LRRIQ3: variants seen among roughly 807,000 people sequenced by gnomAD.
LRRIQ3 encodes leucine rich repeats and IQ motif containing 3.
LRRIQ3 carries 75 observed loss-of-function variants against 59.3 expected under a neutral mutation model. The ratio of observed to expected loss-of-function variants is 1.26; its 90% CI spans 1.05 to 1.53. LRRIQ3 has a LOEUF of 1.53. Ranked by LOEUF, LRRIQ3 falls within the 40% of genes most tolerant of loss-of-function variation. The pLI is 0.00. For missense variants in LRRIQ3, 831 were observed against 710.0 expected, an observed-to-expected ratio of 1.17 and a Z score of -1.94; for synonymous variants, 250 against 231.3, an observed-to-expected ratio of 1.08 and a Z score of -0.73.
At chr1:74,027,416 G>A (rs1394057478) in intron 7 of LRRIQ3, among the ~76,000 whole-genome samples, 2 of 152,048 alleles carry the variant, frequency 1.3e-5, no homozygotes, top group Non-Finnish European at 2.9e-5. Context: ...TATATGGGTA[G>A]GTCCTAATCC....
At chr1:74,180,663 T>G (rs1649921265) in intron 3 of LRRIQ3, 7 of 1,509,374 alleles carry the variant, frequency 4.6e-6, no homozygotes, top group Non-Finnish European at 6.3e-6. Flanking sequence ...CTGCACTGTC[T>G]GTCATTTGTG....
intron 1 of LRRIQ3, among the ~76,000 whole-genome samples, chr1:74,189,752 C>T (rs1200127464): frequency 6.6e-6 from 1 of 152,098 alleles, no homozygotes; most frequent in Non-Finnish European, 1.5e-5. Context: ...CTCATTCTCT[C>T]TTGTCTGCTG....
chr1:74,091,138 G>A (rs17094866), intron 5 of LRRIQ3, among the ~76,000 whole-genome samples: 5,093 of 152,060 alleles, frequency 0.033, 305 homozygotes, highest in African/African-American at 0.12. Context: ...AAAGTAGAAG[G>A]TCCTGTCCAT....
chr1:74,073,570 T>C (rs1046375154), intron 6 of LRRIQ3, among the ~76,000 whole-genome samples: 3 of 151,336 alleles, frequency 2.0e-5, no homozygotes, highest in Admixed American at 2.0e-4. Context: ...ACACAAAGGC[T>C]TTTCAGCTGG....
intron 7 of LRRIQ3, among the ~76,000 whole-genome samples, chr1:74,028,864 G>A (rs1301101299): frequency 6.6e-6 from 1 of 151,872 alleles, no homozygotes; most frequent in Non-Finnish European, 1.5e-5. Flanking sequence ...TATAAGCCTA[G>A]AAATCAGGAG....
At chr1:74,094,019 C>T (rs1345105366) in intron 5 of LRRIQ3, among the ~76,000 whole-genome samples, 2 of 151,944 alleles carry the variant, frequency 1.3e-5, no homozygotes, top group African/African-American at 2.4e-5. Context: ...GTAAAGGTTC[C>T]AGCTGATTCA....
intron 4 of LRRIQ3, among the ~76,000 whole-genome samples, chr1:74,144,215 T>G (rs1207697950): frequency 6.6e-6 from 1 of 151,920 alleles, no homozygotes; most frequent in African/African-American, 2.4e-5. Flanking sequence ...TCTAATTTCC[T>G]AGATTATAAT....
rs544695998 is a variant in LRRIQ3 at position 74,098,935 on chromosome 1, G to A, written c.867+10459C>T. Among the ~76,000 whole-genome samples the A allele has an allele frequency of 9.0e-4, 137 of 152,216 alleles. 1 individual carries two copies. The highest frequency in any genetic ancestry group is 3.3e-3 in the African/African-American group (135 of 41,534). On this transcript the variant is annotated intron_variant, in intron 5 of 7. Transcript: ENST00000354431. ...TAGAGGGAAATTTATAGCACCAAAT[G>A]CCCACAAGACAAAGTAGGAAAGATC...
intron 7 of LRRIQ3, among the ~76,000 whole-genome samples, chr1:74,036,142 A>T (rs1476382872): frequency 1.3e-5 from 2 of 151,920 alleles, no homozygotes; most frequent in African/African-American, 4.8e-5. Context: ...AGTAGCAAAA[A>T]ATGCTGCCCC....
chr1:74,084,928 TTATC>T (rs1447286870), intron 5 of LRRIQ3, among the ~76,000 whole-genome samples: 1 of 151,728 alleles, frequency 6.6e-6, no homozygotes. Flanking sequence ...CCCCCTTACT[TTATC>T]TATCTTTGAA....
At chr1:74,027,846 T>C (rs2100348063) in intron 7 of LRRIQ3, among the ~76,000 whole-genome samples, 1 of 152,104 alleles carries the variant, frequency 6.6e-6, no homozygotes, top group Non-Finnish European at 1.5e-5. Context: ...TAAATGTATA[T>C]AAATATACAA....
chr1:74,175,167 C>G (rs1369614601), intron 3 of LRRIQ3, among the ~76,000 whole-genome samples: 1 of 152,070 alleles, frequency 6.6e-6, no homozygotes, highest in Admixed American at 6.5e-5. Flanking sequence ...CAGATGAGGC[C>G]GATGGGGTCC....
intron 3 of LRRIQ3, among the ~76,000 whole-genome samples, chr1:74,157,718 T>A (rs1057380878): frequency 1.3e-5 from 2 of 151,894 alleles, no homozygotes; most frequent in Admixed American, 6.6e-5. Flanking sequence ...TTCTGCACTT[T>A]AAAAAAAACT....
At chr1:74,177,995 C>A (rs1368575200) in intron 3 of LRRIQ3, among the ~76,000 whole-genome samples, 1 of 151,912 alleles carries the variant, frequency 6.6e-6, no homozygotes, top group Non-Finnish European at 1.5e-5. Context: ...CATTAATGGT[C>A]AGAACTAAAA....
At chr1:74,161,656 A>G (rs1427457317) in intron 3 of LRRIQ3, among the ~76,000 whole-genome samples, 3 of 151,902 alleles carry the variant, frequency 2.0e-5, no homozygotes, top group African/African-American at 4.8e-5. Flanking sequence ...TCATCAGTAG[A>G]GAAACATTAA....
At chr1:74,072,059 A>T (rs986601391) in intron 6 of LRRIQ3, among the ~76,000 whole-genome samples, 2 of 152,136 alleles carry the variant, frequency 1.3e-5, no homozygotes, top group Non-Finnish European at 2.9e-5. Context: ...AAAAATTAAC[A>T]AATCATATAT....
chr1:74,076,737 T>C (rs1255874059), intron 5 of LRRIQ3, among the ~76,000 whole-genome samples: 1 of 152,086 alleles, frequency 6.6e-6, no homozygotes, highest in African/African-American at 2.4e-5. Context: ...AAACAATTTG[T>C]CTCCAAGCAG....
At chr1:74,131,279 C>T (rs1261621894) in intron 4 of LRRIQ3, among the ~76,000 whole-genome samples, 2 of 152,024 alleles carry the variant, frequency 1.3e-5, no homozygotes, top group Non-Finnish European at 2.9e-5. Context: ...GATTCACAGC[C>T]GAATTCTACT....
chr1:74,108,909 G>C (rs1646649726), intron 5 of LRRIQ3: 1 of 409,134 alleles, frequency 2.4e-6, no homozygotes, highest in Non-Finnish European at 4.8e-6. Context: ...CAGAGAATAA[G>C]TTACATACCA....
Sources: allele counts gnomAD v4.1 joint callset (sites outside exome capture counted in the v4.1 genomes callset), GRCh38; gene constraint gnomAD v4.1.1; transcripts MANE v1.5; gene names NCBI Gene and HGNC (gene_info 2026-07-23, HGNC 2026-07-21).